Variants in LHFPL6 observed in about 807,000 individuals in gnomAD.
LHFPL6 encodes LHFPL tetraspan subfamily member 6.
In LHFPL6, 9 loss-of-function variants were observed where a neutral mutation model predicts 20.6. The ratio of observed to expected loss-of-function variants is 0.44; its 90% CI spans 0.26 to 0.76. LHFPL6 has a LOEUF of 0.76. LHFPL6 is among the 30% of genes least tolerant of loss of function. The probability of loss-of-function intolerance (pLI) is 0.20; values close to 1 mark genes in which losing one functional copy is unlikely to be tolerated. For missense variants in LHFPL6, 218 were observed against 253.5 expected, an observed-to-expected ratio of 0.86 and a Z score of 0.95; for synonymous variants, 105 against 98.7, an observed-to-expected ratio of 1.06 and a Z score of -0.38.
chr13:39,549,848 C>T (rs1324623393), intron 2 of LHFPL6, among the ~76,000 whole-genome samples: 1 of 151,838 alleles, frequency 6.6e-6, no homozygotes, highest in African/African-American at 2.4e-5. Flanking sequence ...TAAAAGGAAA[C>T]AAAATAATGT....
chr13:39,522,623 C>A (rs1287102288), intron 2 of LHFPL6, among the ~76,000 whole-genome samples: 1 of 152,222 alleles, frequency 6.6e-6, no homozygotes, highest in Non-Finnish European at 1.5e-5. Flanking sequence ...ATACAGACTT[C>A]CTATTTCCCC....
chr13:39,496,972 C>T (rs371589395), intron 2 of LHFPL6, among the ~76,000 whole-genome samples: 7 of 152,162 alleles, frequency 4.6e-5, no homozygotes, highest in Non-Finnish European at 2.9e-5. Context: ...TCATAACACT[C>T]TGCAATCAAA....
At chr13:39,374,385 G>T (rs1296033803) in intron 3 of LHFPL6, among the ~76,000 whole-genome samples, 1 of 152,086 alleles carries the variant, frequency 6.6e-6, no homozygotes, top group East Asian at 1.9e-4. Flanking sequence ...TACTATGAGG[G>T]GAGGGACGGA....
chr13:39,426,931 G>C (rs1871654946), intron 2 of LHFPL6, among the ~76,000 whole-genome samples: 1 of 151,794 alleles, frequency 6.6e-6, no homozygotes, highest in Non-Finnish European at 1.5e-5. Context: ...GTTAATTTTT[G>C]TATATGCTGT....
At chr13:39,557,839 C>T (rs576580201) in intron 2 of LHFPL6, among the ~76,000 whole-genome samples, 3 of 152,298 alleles carry the variant, frequency 2.0e-5, no homozygotes, top group South Asian at 2.1e-4. Flanking sequence ...TCAGCCCCAA[C>T]CCCTTGATGA....
chr13:39,352,946 T>C lies in LHFPL6; in HGVS notation c.485-8892A>G, dbSNP rs866160372. 6.1e-3 allele frequency among the ~76,000 whole-genome samples: 659 copies of C among 107,668 alleles called. 6 individuals carry two copies. The highest frequency in any genetic ancestry group is 0.012 in the African/African-American group (298 of 24,658). 70.6% of individuals were successfully genotyped at this position (107,668 alleles called of 152,430 possible). A position where few individuals can be genotyped will look rare whatever the true frequency, so the allele number is the denominator to read the frequency against. ...ATAAATGTATATATATGTGTGTATA[T>C]ATATATACATACATACACACACACA... On this transcript the variant is annotated intron_variant, in intron 3 of 3. Coordinates refer to ENST00000379589, the MANE Select transcript of LHFPL6 (RefSeq NM_005780.3).
At chr13:39,602,408 G>A (rs532611429) in intron 1 of LHFPL6, among the ~76,000 whole-genome samples, 136 of 152,246 alleles carry the variant, frequency 8.9e-4, no homozygotes, top group Non-Finnish European at 1.7e-3. Flanking sequence ...ACTCAAACGG[G>A]AGGTCGGCTA....
intron 2 of LHFPL6, among the ~76,000 whole-genome samples, chr13:39,567,914 G>A (rs1429179360): frequency 3.3e-5 from 5 of 152,148 alleles, no homozygotes; most frequent in East Asian, 1.9e-4. Flanking sequence ...TATGGCCCAC[G>A]AAGCCAAAAG....
At chr13:39,594,180 A>G (rs1872703055) in intron 2 of LHFPL6, among the ~76,000 whole-genome samples, 1 of 152,206 alleles carries the variant, frequency 6.6e-6, no homozygotes, top group Non-Finnish European at 1.5e-5. Flanking sequence ...TGAACAGGCA[A>G]TCTACAAAAT....
chr13:39,590,360 T>C (rs1286127724), intron 2 of LHFPL6, among the ~76,000 whole-genome samples: 1 of 152,168 alleles, frequency 6.6e-6, no homozygotes, highest in Non-Finnish European at 1.5e-5. Context: ...CCGCAATGAA[T>C]CTATTAACTT....
chr13:39,540,931 A>G (rs1870777048), intron 2 of LHFPL6, among the ~76,000 whole-genome samples: 1 of 152,256 alleles, frequency 6.6e-6, no homozygotes, highest in South Asian at 2.1e-4. Flanking sequence ...TATAAAATGT[A>G]CATTTCAGTG....
At chr13:39,475,981 G>T (rs1048519658) in intron 2 of LHFPL6, among the ~76,000 whole-genome samples, 1 of 152,146 alleles carries the variant, frequency 6.6e-6, no homozygotes, top group African/African-American at 2.4e-5. Flanking sequence ...TGTAGGTAAT[G>T]AGTATGTGCA....
intron 3 of LHFPL6, among the ~76,000 whole-genome samples, chr13:39,351,553 T>C (rs894505536): frequency 4.6e-5 from 7 of 152,208 alleles, no homozygotes; most frequent in African/African-American, 1.7e-4. Context: ...ATATTTTACC[T>C]TACCCCTTCA....
intron 2 of LHFPL6, among the ~76,000 whole-genome samples, chr13:39,447,537 A>G (rs1399670849): frequency 6.6e-6 from 1 of 152,186 alleles, no homozygotes; most frequent in African/African-American, 2.4e-5. Flanking sequence ...GAAAAGCAGT[A>G]ATACCACAAA....
chr13:39,507,130 T>G (rs890150351), intron 2 of LHFPL6, among the ~76,000 whole-genome samples: 1 of 152,252 alleles, frequency 6.6e-6, no homozygotes, highest in Admixed American at 6.5e-5. Context: ...GTATGCCTTT[T>G]GTTTAAAAAT....
At chr13:39,490,946 C>G (rs73462896) in intron 2 of LHFPL6, among the ~76,000 whole-genome samples, 1 of 152,088 alleles carries the variant, frequency 6.6e-6, no homozygotes, top group African/African-American at 2.4e-5. Context: ...CTCTCTGCAA[C>G]AGATGACCAA....
chr13:39,515,880 T>C (rs1459310127), intron 2 of LHFPL6, among the ~76,000 whole-genome samples: 3 of 152,142 alleles, frequency 2.0e-5, no homozygotes, highest in Non-Finnish European at 2.9e-5. Flanking sequence ...ACTATGGAAA[T>C]ACAGTTTCAC....
intron 2 of LHFPL6, among the ~76,000 whole-genome samples, chr13:39,410,517 TATC>T (rs2138386715): frequency 6.6e-6 from 1 of 152,264 alleles, no homozygotes; most frequent in African/African-American, 2.4e-5. Flanking sequence ...ATACTTCAAA[TATC>T]ATTTCAGAGA....
rs566532409 is a variant in LHFPL6, at chr13:39,394,995, C to A, written c.386-16469G>T. ...CAGCGCTACCCTAAGCGTGAGACACCGGCTTCCCCAATTGGCCCCATGGAC... is the reference window on the plus strand; with the variant it reads ...CAGCGCTACCCTAAGCGTGAGACACAGGCTTCCCCAATTGGCCCCATGGAC... On this transcript the variant is annotated intron_variant, in intron 2 of 3. Coordinates refer to ENST00000379589, the MANE Select transcript of LHFPL6 (RefSeq NM_005780.3). Among the ~76,000 whole-genome samples, 4 of 152,210 alleles carry A rather than the reference C, an allele frequency of 2.6e-5. No homozygotes were observed. In the East Asian group the frequency reaches 5.8e-4, roughly 22 times the overall value.
Sources: gnomAD v4.1 joint callset for allele counts (sites outside exome capture counted in the v4.1 genomes callset) on GRCh38, gnomAD v4.1.1 for gene constraint, MANE v1.5 for transcripts, NCBI Gene and HGNC (gene_info 2026-07-23, HGNC 2026-07-21) for gene names.